The following PCDHA7 variants were observed in gnomAD, a reference collection of about 807,000 sequenced individuals.
PCDHA7 encodes the protein protocadherin alpha 7.
PCDHA7 carries 37 observed loss-of-function variants against 57.2 expected under a neutral mutation model. That is an observed-to-expected ratio of 0.65 (90% confidence interval 0.50 to 0.85). The LOEUF is 0.85. Among genes scored for constraint, PCDHA7 ranks in the 40% least tolerant of loss-of-function variants. PCDHA7 has a pLI of 0.00. For missense variants in PCDHA7, 1,188 were observed against 1,241.8 expected, an observed-to-expected ratio of 0.96 and a Z score of 0.65; for synonymous variants, 553 against 558.8, an observed-to-expected ratio of 0.99 and a Z score of 0.15.
chr5:140,850,370 G>A (rs141414972), intron 1 of PCDHA7: 2 of 1,597,812 alleles, frequency 1.3e-6, no homozygotes, highest in African/African-American at 2.7e-5. Context: ...TCCGCGTGGG[G>A]CTGTACACGG....
chr5:140,877,396 G>T (rs781989521), intron 1 of PCDHA7: 43 of 1,613,834 alleles, frequency 2.7e-5, no homozygotes, highest in South Asian at 1.8e-4. Context: ...TGAGGCGGAC[G>T]CTCCGCGCCA....
chr5:140,951,183 G>A (rs1554219780), intron 1 of PCDHA7, among the ~76,000 whole-genome samples: 3 of 151,518 alleles, frequency 2.0e-5, no homozygotes, highest in Admixed American at 6.6e-5. Flanking sequence ...GTCATTGTCC[G>A]CTAATTCCCA....
chr5:140,952,081 A>G (rs1554220214), intron 1 of PCDHA7, among the ~76,000 whole-genome samples: 3 of 152,064 alleles, frequency 2.0e-5, no homozygotes. Flanking sequence ...CATTGACTCC[A>G]TGTCTCACAT....
intron 1 of PCDHA7, among the ~76,000 whole-genome samples, chr5:140,916,395 G>A (rs2077556484): frequency 6.6e-6 from 1 of 152,180 alleles, no homozygotes; most frequent in African/African-American, 2.4e-5. Flanking sequence ...GGAATGTGCT[G>A]GATCACACCT....
chr5:140,981,459 A>C (rs1267670163), intron 2 of PCDHA7, among the ~76,000 whole-genome samples: 1 of 152,176 alleles, frequency 6.6e-6, no homozygotes, highest in Non-Finnish European at 1.5e-5. Context: ...CTGTAGTCCC[A>C]GCTACTTGGG....
intron 1 of PCDHA7, chr5:140,876,718 G>T (rs1554168825): frequency 1.9e-6 from 3 of 1,614,124 alleles, no homozygotes; most frequent in African/African-American, 1.3e-5. Flanking sequence ...CCTGGACCGC[G>T]AGAGCGTGTC....
intron 1 of PCDHA7, among the ~76,000 whole-genome samples, chr5:140,975,067 T>C (rs2096652705): frequency 6.6e-6 from 1 of 152,146 alleles, no homozygotes; most frequent in African/African-American, 2.4e-5. Flanking sequence ...TCGAGCTCAT[T>C]CAGATTGTTG....
At chr5:140,988,424 G>C (rs1563549055) in intron 3 of PCDHA7, among the ~76,000 whole-genome samples, 1 of 152,158 alleles carries the variant, frequency 6.6e-6, no homozygotes, top group Non-Finnish European at 1.5e-5. Context: ...TAAAGAATTT[G>C]TTTGTTTTGG....
chr5:140,918,625 C>T (rs1365715302), intron 1 of PCDHA7, among the ~76,000 whole-genome samples: 2 of 152,086 alleles, frequency 1.3e-5, no homozygotes, highest in Non-Finnish European at 2.9e-5. Context: ...TTTGTGTTCC[C>T]CAAATTCATA....
rs565233003 is a variant in PCDHA7 at position 140,851,830 on chromosome 5, T to C, written c.2355+15092T>C. 1.2e-5 allele frequency: 12 copies of C among 967,780 alleles called. No homozygotes were observed. In the African/African-American group the frequency reaches 2.1e-4, roughly 17 times the overall value. The allele number at this position is 967,780 out of a possible 1,614,324, so 59.9% of individuals were successfully genotyped here. On this transcript the variant is annotated intron_variant, in intron 1 of 3. Coordinates refer to ENST00000525929, the MANE Select transcript of PCDHA7 (RefSeq NM_018910.3). ...TCCATAAGACAGAAATCTGTTTTTT[T>C]AAAAATATCTTTTTCTCCTCTCAGC...
intron 1 of PCDHA7, chr5:140,966,748 T>G: frequency 1.4e-6 from 2 of 1,426,956 alleles, no homozygotes; most frequent in Non-Finnish European, 1.8e-6. Flanking sequence ...CCCGGCTGCC[T>G]CCGCCGCGGC....
chr5:140,947,784 T>C (rs2094176527), intron 1 of PCDHA7, among the ~76,000 whole-genome samples: 1 of 151,672 alleles, frequency 6.6e-6, no homozygotes, highest in Non-Finnish European at 1.5e-5. Context: ...AAATGGATTT[T>C]AAACAGACTT....
chr5:140,868,928 A>C, intron 1 of PCDHA7: 1 of 1,070,100 alleles, frequency 9.3e-7, no homozygotes, highest in Non-Finnish European at 1.3e-6. Flanking sequence ...AGTTCATTTA[A>C]AGGTTGGTCT....
At chr5:140,891,128 C>G (rs1554184692) in intron 1 of PCDHA7, among the ~76,000 whole-genome samples, 1 of 152,100 alleles carries the variant, frequency 6.6e-6, no homozygotes, top group Non-Finnish European at 1.5e-5. Flanking sequence ...AAATGTCATT[C>G]CTTTAAAGGT....
chr5:140,960,249 T>C (rs2095534563), intron 1 of PCDHA7, among the ~76,000 whole-genome samples: 1 of 152,210 alleles, frequency 6.6e-6, no homozygotes, highest in African/African-American at 2.4e-5. Flanking sequence ...AGAAGCTTCC[T>C]GGAGCTTCTG....
At chr5:140,996,987 A>G (rs1554255592) in intron 3 of PCDHA7, among the ~76,000 whole-genome samples, 1 of 152,134 alleles carries the variant, frequency 6.6e-6, no homozygotes, top group African/African-American at 2.4e-5. Context: ...TGAAGCAACC[A>G]CTGTTAACAA....
chr5:140,994,149 G>A (rs1299780463), intron 3 of PCDHA7, among the ~76,000 whole-genome samples: 2 of 152,174 alleles, frequency 1.3e-5, no homozygotes, highest in Non-Finnish European at 2.9e-5. Context: ...TACGTAGGTA[G>A]GGTCAACGAA....
At chr5:140,856,964 G>A in intron 1 of PCDHA7, 1 of 1,590,750 alleles carries the variant, frequency 6.3e-7, no homozygotes, top group Non-Finnish European at 8.6e-7. Flanking sequence ...AGTAAATGAT[G>A]CTATTGACTT....
intron 3 of PCDHA7, among the ~76,000 whole-genome samples, chr5:140,990,514 T>C (rs1437267512): frequency 1.3e-5 from 2 of 152,204 alleles, no homozygotes; most frequent in Non-Finnish European, 1.5e-5. Context: ...TCTTCTCTCT[T>C]GTCTTTTTTG....
Sources: allele counts gnomAD v4.1 joint callset (sites outside exome capture counted in the v4.1 genomes callset), GRCh38; gene constraint gnomAD v4.1.1; transcripts MANE v1.5; gene names NCBI Gene and HGNC (gene_info 2026-07-23, HGNC 2026-07-21).